The following UBE2E3 variants were observed in gnomAD, a reference collection of about 807,000 sequenced individuals.
UBE2E3 encodes the protein ubiquitin conjugating enzyme E2 E3.
In UBE2E3, 5 loss-of-function variants were observed where a neutral mutation model predicts 23.6. The observed-to-expected ratio is 0.21, with a 90% confidence interval of 0.11 to 0.44. The LOEUF (loss-of-function observed/expected upper bound fraction) is 0.44, where lower values mean the gene tolerates loss of function less well. Ranked by LOEUF, UBE2E3 falls within the 20% of genes least tolerant of loss-of-function variation. The pLI, the probability that UBE2E3 is intolerant of heterozygous loss-of-function variation, is 0.99. For synonymous variants in UBE2E3, 78 were observed against 87.5 expected (o/e 0.89, Z 0.60); for missense variants, 81 against 249.8 (o/e 0.32, Z 4.55).
At chr2:181,054,383 C>T (rs1265198032) in intron 3 of UBE2E3, among the ~76,000 whole-genome samples, 1 of 151,126 alleles carries the variant, frequency 6.6e-6, no homozygotes, top group Admixed American at 6.6e-5. Flanking sequence ...CCTGTTACTC[C>T]ACATTTTCTT....
intron 3 of UBE2E3, among the ~76,000 whole-genome samples, chr2:181,050,230 T>C (rs1348033597): frequency 6.6e-6 from 1 of 151,952 alleles, no homozygotes; most frequent in African/African-American, 2.4e-5. Context: ...AGTTACATAC[T>C]AGTATAGATT....
rs1686600830 is a variant in UBE2E3, at chr2:181,044,113, G to C, written c.246-13580G>C. On this transcript the variant is annotated intron_variant, in intron 3 of 5. Coordinates refer to ENST00000410062, the MANE Select transcript of UBE2E3 (RefSeq NM_006357.4). ...GCTGTATTTCTCCTCCGATCTAGTG[G>C]TATTTGAGCATAACTGTCCCTCCAC... is the stretch of plus-strand genomic sequence containing the variant. Among the ~76,000 whole-genome samples the C allele has an allele frequency of 2.0e-5, 3 of 152,148 alleles. No homozygotes were observed. The South Asian group carries it at 6.2e-4, about 32-fold the overall frequency.
intron 4 of UBE2E3, 83 bp from the exon 5 acceptor site, chr2:181,060,582 A>T: frequency 7.8e-7 from 1 of 1,280,534 alleles, no homozygotes; most frequent in Non-Finnish European, 1.1e-6. Context: ...CATCTATGAT[A>T]TATTACCCTT....
At chr2:180,994,155 A>T (rs1684758459) in intron 3 of UBE2E3, among the ~76,000 whole-genome samples, 1 of 152,148 alleles carries the variant, frequency 6.6e-6, no homozygotes, top group South Asian at 2.1e-4. Context: ...CCAGGTGCTT[A>T]CTATCCACAT....
intron 3 of UBE2E3, among the ~76,000 whole-genome samples, chr2:181,021,427 CCCTT>C (rs1191857886): frequency 1.7e-5 from 2 of 115,438 alleles, no homozygotes; most frequent in Admixed American, 1.8e-4. Context: ...CTCCCTTCCT[CCCTT>C]CCTTCCTTTC....
chr2:181,016,958 A>G (rs1223888736), intron 3 of UBE2E3, among the ~76,000 whole-genome samples: 2 of 152,222 alleles, frequency 1.3e-5, no homozygotes, highest in Non-Finnish European at 2.9e-5. Context: ...TGGAAATGCC[A>G]TAACTGTTCT....
At chr2:181,055,907 T>C (rs1197209739) in intron 3 of UBE2E3, among the ~76,000 whole-genome samples, 3 of 151,686 alleles carry the variant, frequency 2.0e-5, no homozygotes, top group African/African-American at 7.3e-5. Flanking sequence ...GTTTGTATTT[T>C]ATAAAGTAAT....
chr2:180,987,720 C>T (rs1684525421), intron 3 of UBE2E3, among the ~76,000 whole-genome samples: 1 of 151,992 alleles, frequency 6.6e-6, no homozygotes, highest in Non-Finnish European at 1.5e-5. Context: ...CTCTAGATTC[C>T]TCATTAGCCT....
chr2:181,049,962 A>G (rs1686775699), intron 3 of UBE2E3, among the ~76,000 whole-genome samples: 1 of 151,996 alleles, frequency 6.6e-6, no homozygotes, highest in Non-Finnish European at 1.5e-5. Context: ...TTTATTTGCC[A>G]TACCCTGAAT....
chr2:180,989,054 A>T (rs951103282), intron 3 of UBE2E3, among the ~76,000 whole-genome samples: 1 of 152,184 alleles, frequency 6.6e-6, no homozygotes. Context: ...AGTTTGTATT[A>T]TTAGTTTTAT....
At chr2:180,988,938 A>G (rs1358549202) in intron 3 of UBE2E3, among the ~76,000 whole-genome samples, 1 of 152,134 alleles carries the variant, frequency 6.6e-6, no homozygotes, top group Non-Finnish European at 1.5e-5. Flanking sequence ...CGCTTTTTAT[A>G]AAAATTAAAT....
intron 5 of UBE2E3, 37 bp from the exon 6 acceptor site, chr2:181,062,754 C>T (rs200775362): frequency 2.2e-6 from 3 of 1,336,350 alleles, no homozygotes; most frequent in East Asian, 2.4e-5. Context: ...AAGAAGATAC[C>T]ACAAAATAGC....
At chr2:181,040,917 G>T (rs375704407) in intron 3 of UBE2E3, among the ~76,000 whole-genome samples, 1 of 141,668 alleles carries the variant, frequency 7.1e-6, no homozygotes, top group Non-Finnish European at 1.6e-5. Context: ...ACTCTTAGAG[G>T]TTCCTTCTGA....
intron 3 of UBE2E3, among the ~76,000 whole-genome samples, chr2:181,022,749 A>C (rs1364158841): frequency 3.9e-5 from 6 of 151,906 alleles, no homozygotes; most frequent in South Asian, 2.1e-4. Context: ...CAAAAAAAAA[A>C]CCCCACAGGT....
chr2:180,983,967 T>C (rs899205235), intron 2 of UBE2E3, 76 bp from the exon 3 acceptor site: 6 of 1,183,876 alleles, frequency 5.1e-6, no homozygotes, highest in Non-Finnish European at 7.3e-6. Flanking sequence ...TGCATGGTGG[T>C]AGAGGGCAGT....
chr2:181,021,598 CCCT>C (rs1685691280), intron 3 of UBE2E3, among the ~76,000 whole-genome samples: 1 of 98,374 alleles, frequency 1.0e-5, no homozygotes, highest in Admixed American at 1.0e-4. Context: ...CTTCCTCCCT[CCCT>C]TCCTTCCTTC....
intron 3 of UBE2E3, among the ~76,000 whole-genome samples, chr2:181,039,323 C>T (rs1686403052): frequency 6.6e-6 from 1 of 151,954 alleles, no homozygotes; most frequent in South Asian, 2.1e-4. Context: ...TGATTAAAAA[C>T]ATTTGAAAAA....
intron 4 of UBE2E3, among the ~76,000 whole-genome samples, chr2:181,058,532 C>T (rs1352029165): frequency 6.6e-6 from 1 of 151,720 alleles, no homozygotes; most frequent in Non-Finnish European, 1.5e-5. Flanking sequence ...GTAAAAACCA[C>T]TGGAATTAAG....
chr2:181,051,754 T>A, intron 3 of UBE2E3, among the ~76,000 whole-genome samples: 1 of 152,070 alleles, frequency 6.6e-6, no homozygotes, highest in East Asian at 1.9e-4. Flanking sequence ...TTCTTAGGAC[T>A]ATTAAAATAC....
Sources: allele counts gnomAD v4.1 joint callset (sites outside exome capture counted in the v4.1 genomes callset), GRCh38; gene constraint gnomAD v4.1.1; transcripts MANE v1.5; gene names NCBI Gene and HGNC (gene_info 2026-07-23, HGNC 2026-07-21).